The following OPCML variants were observed in gnomAD, a reference collection of about 807,000 sequenced individuals.
OPCML encodes opioid-binding protein/cell adhesion molecule.
Under a neutral mutation model 37.8 loss-of-function variants are expected in OPCML, and 13 were observed. The observed-to-expected ratio is 0.34, with a 90% CI of 0.22 to 0.55. OPCML has a LOEUF of 0.55. Among genes scored for constraint, OPCML ranks in the 20% least tolerant of loss-of-function variants. The pLI, the probability that OPCML is intolerant of heterozygous loss-of-function variation, is 0.91. For missense variants in OPCML, 341 were observed against 435.6 expected (o/e 0.78, Z 1.93); for synonymous variants, 176 against 168.8 (o/e 1.04, Z -0.33).
At chr11:132,502,539 G>T (rs1314284502) in intron 4 of OPCML, among the ~76,000 whole-genome samples, 1 of 152,168 alleles carries the variant, frequency 6.6e-6, no homozygotes. Context: ...CACACAGGCT[G>T]ACAGAATGGG....
chr11:133,054,799 A>T lies in OPCML; in HGVS notation c.62-111789T>A, dbSNP rs547582248. The stretch of plus-strand genomic sequence containing the variant: ...CCTGTGAAGGAGCTGCCTTTACTAT[A>T]CAATGCTGCCTCCATGATACTTCCA... On this transcript the variant is annotated intron_variant, in intron 1 of 7. Transcript: ENST00000524381. Among the ~76,000 whole-genome samples, 15 of 152,190 alleles carry T rather than the reference A, an allele frequency of 9.9e-5. No homozygotes were observed. The East Asian group carries it at 2.7e-3, about 28-fold the overall frequency.
At chr11:132,826,301 G>A (rs1205851600) in intron 2 of OPCML, among the ~76,000 whole-genome samples, 1 of 152,188 alleles carries the variant, frequency 6.6e-6, no homozygotes, top group Non-Finnish European at 1.5e-5. Flanking sequence ...GTTTTTGATG[G>A]CAATTGTCAT....
At chr11:132,707,800 G>A (rs952713830) in intron 2 of OPCML, among the ~76,000 whole-genome samples, 1 of 152,104 alleles carries the variant, frequency 6.6e-6, no homozygotes, top group African/African-American at 2.4e-5. Flanking sequence ...TCAGTTCTGG[G>A]TAGCACTCTT....
intron 2 of OPCML, among the ~76,000 whole-genome samples, chr11:132,760,950 C>T (rs903931733): frequency 2.6e-5 from 4 of 152,182 alleles, no homozygotes; most frequent in African/African-American, 9.6e-5. Flanking sequence ...TTTTTCCTTT[C>T]CATATTTAGT....
At chr11:132,578,076 A>G (rs2096454733) in intron 3 of OPCML, among the ~76,000 whole-genome samples, 1 of 152,236 alleles carries the variant, frequency 6.6e-6, no homozygotes, top group African/African-American at 2.4e-5. Context: ...GTCTTATAAA[A>G]GCAGACTTTA....
intron 1 of OPCML, among the ~76,000 whole-genome samples, chr11:132,946,540 T>A (rs1232899078): frequency 1.3e-5 from 2 of 152,214 alleles, no homozygotes; most frequent in African/African-American, 4.8e-5. Flanking sequence ...ACAGTGTCAC[T>A]GGAGGATGAG....
At chr11:132,598,256 C>T (rs2096495604) in intron 3 of OPCML, among the ~76,000 whole-genome samples, 1 of 152,104 alleles carries the variant, frequency 6.6e-6, no homozygotes, top group African/African-American at 2.4e-5. Context: ...CCTTTTATTG[C>T]TATTTTTGGT....
chr11:133,023,662 A>C (rs749444920), intron 1 of OPCML, among the ~76,000 whole-genome samples: 6 of 152,208 alleles, frequency 3.9e-5, no homozygotes, highest in Admixed American at 1.3e-4. Context: ...GCCTCAAATA[A>C]AGATTGAATT....
At chr11:132,573,082 T>C (rs1240394629) in intron 3 of OPCML, among the ~76,000 whole-genome samples, 2 of 151,952 alleles carry the variant, frequency 1.3e-5, no homozygotes, top group Non-Finnish European at 2.9e-5. Context: ...ACAACTACAT[T>C]TTGTATGTTG....
intron 2 of OPCML, among the ~76,000 whole-genome samples, chr11:132,767,886 C>T (rs947893758): frequency 6.6e-6 from 1 of 151,956 alleles, no homozygotes; most frequent in Non-Finnish European, 1.5e-5. Context: ...ATCATAGAGT[C>T]TAGAAATATT....
intron 2 of OPCML, 31 bp downstream of exon 2, chr11:132,942,895 G>T (rs763732984): frequency 6.2e-7 from 1 of 1,613,328 alleles, no homozygotes; most frequent in East Asian, 2.2e-5. Flanking sequence ...CAGCCCAGGG[G>T]CTCGGCCCCC....
At chr11:132,619,080 G>A (rs1349090793) in intron 3 of OPCML, among the ~76,000 whole-genome samples, 1 of 151,948 alleles carries the variant, frequency 6.6e-6, no homozygotes, top group Non-Finnish European at 1.5e-5. Context: ...ACCCTCTGGA[G>A]CTCTCACCAT....
chr11:132,787,128 A>C (rs1005495757), intron 2 of OPCML, among the ~76,000 whole-genome samples: 3 of 152,196 alleles, frequency 2.0e-5, no homozygotes, highest in African/African-American at 7.2e-5. Flanking sequence ...TGAGAACCAG[A>C]CTTCGAGAAC....
At chr11:133,456,770 C>A (rs1946679794) in intron 1 of OPCML, among the ~76,000 whole-genome samples, 1 of 145,408 alleles carries the variant, frequency 6.9e-6, no homozygotes, top group Non-Finnish European at 1.5e-5. Context: ...CGTGGCTGTC[C>A]CAATCAGACC....
chr11:133,053,878 C>G (rs1294891014), intron 1 of OPCML, among the ~76,000 whole-genome samples: 1 of 152,214 alleles, frequency 6.6e-6, no homozygotes, highest in African/African-American at 2.4e-5. Context: ...ATGGCAACTT[C>G]ACTTGGATGT....
At chr11:132,465,320 A>G (rs1222610885) in intron 4 of OPCML, among the ~76,000 whole-genome samples, 1 of 152,200 alleles carries the variant, frequency 6.6e-6, no homozygotes, top group Non-Finnish European at 1.5e-5. Flanking sequence ...ACTCTCCGCT[A>G]GGGTACCTGA....
At chr11:132,485,201 G>A (rs1480676898) in intron 4 of OPCML, among the ~76,000 whole-genome samples, 2 of 152,046 alleles carry the variant, frequency 1.3e-5, no homozygotes, top group African/African-American at 4.8e-5. Context: ...ATGATGAAAG[G>A]GAACACTGTC....
intron 2 of OPCML, among the ~76,000 whole-genome samples, chr11:132,773,690 G>C (rs1234974132): frequency 2.0e-5 from 3 of 152,128 alleles, no homozygotes; most frequent in African/African-American, 4.8e-5. Context: ...AATTCATAGA[G>C]GATGCATTTC....
intron 2 of OPCML, among the ~76,000 whole-genome samples, chr11:132,848,477 T>C (rs1941653305): frequency 6.6e-6 from 1 of 152,218 alleles, no homozygotes; most frequent in Admixed American, 6.5e-5. Context: ...CGCAGAATAT[T>C]TGGCATTTCT....
Sources: gnomAD v4.1 joint callset for allele counts (sites outside exome capture counted in the v4.1 genomes callset) on GRCh38, gnomAD v4.1.1 for gene constraint, MANE v1.5 for transcripts, NCBI Gene and HGNC (gene_info 2026-07-23, HGNC 2026-07-21) for gene names.